The following SENP7 variants were observed in gnomAD, a reference collection of about 807,000 sequenced individuals.
The protein encoded by SENP7 is sentrin-specific protease 7.
In SENP7, 64 loss-of-function variants were observed where a neutral mutation model predicts 141.2. That is an observed-to-expected ratio of 0.45 (90% CI 0.37 to 0.56). The LOEUF (loss-of-function observed/expected upper bound fraction) is 0.56, where lower values mean the gene tolerates loss of function less well. SENP7 is among the 20% of genes least tolerant of loss of function. SENP7 has a pLI of 0.00. For missense variants in SENP7, 1,025 were observed against 1,212.2 expected (o/e 0.85, Z 2.29); for synonymous variants, 382 against 426.4 (o/e 0.90, Z 1.28).
intron 3 of SENP7, among the ~76,000 whole-genome samples, chr3:101,485,665 C>A (rs2064698172): frequency 6.6e-6 from 1 of 152,108 alleles, no homozygotes. Context: ...GAGAAGGAAC[C>A]AGAAACAACT....
At chr3:101,406,146 G>T (rs1055204986) in intron 5 of SENP7, among the ~76,000 whole-genome samples, 1 of 152,136 alleles carries the variant, frequency 6.6e-6, no homozygotes. Context: ...TATGTTTATT[G>T]TTGCACTATT....
intron 6 of SENP7, among the ~76,000 whole-genome samples, chr3:101,377,964 C>CTT (rs1454316123): frequency 6.6e-6 from 1 of 152,110 alleles, no homozygotes; most frequent in African/African-American, 2.4e-5. Context: ...TGGTGATAAC[C>CTT]TTTAGCAGTA....
At chr3:101,385,258 A>C (rs969877967) in intron 6 of SENP7, among the ~76,000 whole-genome samples, 2 of 152,134 alleles carry the variant, frequency 1.3e-5, no homozygotes, top group African/African-American at 4.8e-5. Flanking sequence ...AATTACACAT[A>C]AGTAAATGAA....
At chr3:101,443,984 C>T (rs1403135935) in intron 4 of SENP7, among the ~76,000 whole-genome samples, 3 of 149,038 alleles carry the variant, frequency 2.0e-5, no homozygotes, top group Non-Finnish European at 4.5e-5. Flanking sequence ...ATTTTTGCAA[C>T]CTACTCATCT....
intron 12 of SENP7, among the ~76,000 whole-genome samples, chr3:101,350,913 T>C (rs2059596356): frequency 6.6e-6 from 1 of 152,046 alleles, no homozygotes; most frequent in South Asian, 2.1e-4. Context: ...ACAATTATCA[T>C]AACATAGTTT....
At chr3:101,481,738 C>G (rs1389378382) in intron 3 of SENP7, among the ~76,000 whole-genome samples, 2 of 152,116 alleles carry the variant, frequency 1.3e-5, no homozygotes, top group African/African-American at 4.8e-5. Context: ...TCACATGTAA[C>G]AAAATATCAC....
chr3:101,483,749 T>C (rs1487493696), intron 3 of SENP7, among the ~76,000 whole-genome samples: 1 of 152,210 alleles, frequency 6.6e-6, no homozygotes, highest in Non-Finnish European at 1.5e-5. Context: ...GGGCTGGGCA[T>C]GGTGGCTTGC....
At chr3:101,481,535 A>G (rs1380711460) in intron 3 of SENP7, among the ~76,000 whole-genome samples, 4 of 152,218 alleles carry the variant, frequency 2.6e-5, no homozygotes, top group Non-Finnish European at 5.9e-5. Context: ...TAATGGCTAC[A>G]AACATACAGC....
intron 11 of SENP7, among the ~76,000 whole-genome samples, chr3:101,361,421 T>A (rs9818337): frequency 0.4 from 60,322 of 151,912 alleles, 12,494 homozygotes; most frequent in Admixed American, 0.54. Context: ...AACTATACCT[T>A]GAAAAAAATT....
intron 3 of SENP7, among the ~76,000 whole-genome samples, chr3:101,486,906 G>C (rs1376805843): frequency 6.6e-6 from 1 of 152,122 alleles, no homozygotes; most frequent in Non-Finnish European, 1.5e-5. Flanking sequence ...ATAAACTTAA[G>C]GTAAAGGGGT....
intron 3 of SENP7, among the ~76,000 whole-genome samples, chr3:101,465,297 C>G (rs1374125043): frequency 6.6e-6 from 1 of 152,172 alleles, no homozygotes; most frequent in Non-Finnish European, 1.5e-5. Flanking sequence ...CCAACTCCAC[C>G]TATAGCTGCC....
At chr3:101,414,779 C>G in intron 5 of SENP7, 1 of 562,338 alleles carries the variant, frequency 1.8e-6, no homozygotes, top group Non-Finnish European at 3.2e-6. Flanking sequence ...TGCCTCTAGA[C>G]ACTGGTTCTT....
chr3:101,392,064 C>T (rs1321614121), intron 6 of SENP7, among the ~76,000 whole-genome samples: 2 of 152,124 alleles, frequency 1.3e-5, no homozygotes, highest in Non-Finnish European at 2.9e-5. Flanking sequence ...AGAAGTAACA[C>T]ACTGCAACAT....
intron 11 of SENP7, among the ~76,000 whole-genome samples, chr3:101,361,367 C>G (rs1004216295): frequency 6.6e-6 from 1 of 152,130 alleles, no homozygotes; most frequent in African/African-American, 2.4e-5. Context: ...AGTCAGTTTA[C>G]AACCGTTTAA....
intron 4 of SENP7, among the ~76,000 whole-genome samples, chr3:101,443,544 A>G (rs1447869693): frequency 6.6e-6 from 1 of 151,704 alleles, no homozygotes; most frequent in African/African-American, 2.4e-5. Flanking sequence ...CTTGGGCGGT[A>G]TGGTCATTTT....
chr3:101,460,411 A>C (rs1164310179), intron 3 of SENP7, among the ~76,000 whole-genome samples: 1 of 152,240 alleles, frequency 6.6e-6, no homozygotes, highest in African/African-American at 2.4e-5. Flanking sequence ...CCAATAATTG[A>C]TTTTCAGCAA....
At chr3:101,505,511 T>G (rs898968214) in intron 1 of SENP7, among the ~76,000 whole-genome samples, 1 of 152,152 alleles carries the variant, frequency 6.6e-6, no homozygotes, top group Admixed American at 6.5e-5. Context: ...CCCAAATATT[T>G]ATGTTTTTTT....
At chr3:101,327,421 ATTC>A (rs1226735761) in intron 23 of SENP7, among the ~76,000 whole-genome samples, 1 of 151,994 alleles carries the variant, frequency 6.6e-6, no homozygotes, top group Non-Finnish European at 1.5e-5. Flanking sequence ...CTCAGCTCTC[ATTC>A]TTCTCCTTGC....
chr3:101,449,816 C>T (rs2063051442), intron 4 of SENP7, among the ~76,000 whole-genome samples: 1 of 152,086 alleles, frequency 6.6e-6, no homozygotes, highest in South Asian at 2.1e-4. Context: ...AACTAATGAG[C>T]AAAATAACCA....
Sources: allele counts gnomAD v4.1 joint callset (sites outside exome capture counted in the v4.1 genomes callset), GRCh38; gene constraint gnomAD v4.1.1; transcripts MANE v1.5; gene names NCBI Gene and HGNC (gene_info 2026-07-23, HGNC 2026-07-21).